Variants in UGT2B17 observed in about 807,000 individuals in gnomAD.
UGT2B17 encodes UDP glucuronosyltransferase family 2 member B17, also known as UDP-glucuronosyltransferase 2B17.
Under a neutral mutation model 48.2 loss-of-function variants are expected in UGT2B17, and 21 were observed. That is an observed-to-expected ratio of 0.44 (90% CI 0.31 to 0.63). UGT2B17 has a LOEUF of 0.63. UGT2B17 is among the 20% of genes least tolerant of loss of function. UGT2B17 has a pLI of 0.08. For synonymous variants in UGT2B17, 146 were observed against 238.4 expected, an observed-to-expected ratio of 0.61 and a Z score of 3.57; for missense variants, 402 against 696.1, an observed-to-expected ratio of 0.58 and a Z score of 4.75.
intron 3 of UGT2B17, among the ~76,000 whole-genome samples, chr4:68,563,992 C>T (rs1731148514): frequency 8.0e-6 from 1 of 124,584 alleles, no homozygotes; most frequent in Non-Finnish European, 1.7e-5. Flanking sequence ...TTTTGGATCA[C>T]TGGCTATGTG....
At chr4:68,559,995 T>C (rs1045390999) in intron 4 of UGT2B17, among the ~76,000 whole-genome samples, 2 of 131,586 alleles carry the variant, frequency 1.5e-5, no homozygotes, top group Admixed American at 1.5e-4. Context: ...TAGGACATTC[T>C]TTCTCTGAAT....
intron 3 of UGT2B17, among the ~76,000 whole-genome samples, chr4:68,561,084 CATTTT>C (rs902626613): frequency 1.6e-5 from 2 of 122,514 alleles, no homozygotes; most frequent in African/African-American, 5.6e-5. Context: ...TATTTGGGGT[CATTTT>C]ATTTTATTTT....
chr4:68,574,125 G>A (rs1201085586), intron 1 of UGT2B17, among the ~76,000 whole-genome samples: 1 of 126,832 alleles, frequency 7.9e-6, no homozygotes, highest in Non-Finnish European at 1.7e-5. Flanking sequence ...ATTTCAACCA[G>A]GCATTTGTAG....
chr4:68,542,982 G>T (rs1235817742), intron 6 of UGT2B17, among the ~76,000 whole-genome samples: 1 of 126,536 alleles, frequency 7.9e-6, no homozygotes, highest in Non-Finnish European at 1.7e-5. Flanking sequence ...GCTCAAGGAC[G>T]CCTGCCTGCC....
rs575476723 is a variant in UGT2B17, at chr4:68,574,810, T to C, written c.-65+1141A>G. 1.2e-4 allele frequency among the ~76,000 whole-genome samples: 15 copies of C among 126,234 alleles called. 3 individuals carry two copies. Among genetic ancestry groups the C allele is most frequent in the African/African-American group, 3.8e-4 (14 of 36,968 alleles). 82.8% of individuals were successfully genotyped at this position (126,234 alleles called of 152,430 possible). On this transcript the variant is annotated intron_variant, in intron 1 of 6. Transcript: ENST00000317746. Reference sequence around the variant, plus strand: ...TTTTTATAACTTTTTTTCACGACTTTCGCCAACAATTTTTCAACATGTCTC... The same window carrying C: ...TTTTTATAACTTTTTTTCACGACTTCCGCCAACAATTTTTCAACATGTCTC...
At chr4:68,555,816 G>C (rs574693995) in intron 4 of UGT2B17, among the ~76,000 whole-genome samples, 1 of 124,362 alleles carries the variant, frequency 8.0e-6, no homozygotes, top group Non-Finnish European at 1.7e-5. Flanking sequence ...TTTTAAAAAG[G>C]TGAAGAAGTG....
At chr4:68,571,055 G>T (rs1223498961) in intron 1 of UGT2B17, among the ~76,000 whole-genome samples, 1 of 125,644 alleles carries the variant, frequency 8.0e-6, no homozygotes, top group Non-Finnish European at 1.7e-5. Context: ...AACGGTCAAG[G>T]CTTGACCGGT....
In UGT2B17 at chr4:68,575,188, CTTTT is replaced by C. The variant is rs559097531; in HGVS notation, c.-65+759_-65+762del. 2.4e-5 allele frequency among the ~76,000 whole-genome samples: 2 copies of C among 81,912 alleles called. 1 individual carries two copies. Among genetic ancestry groups the C allele is most frequent in the African/African-American group, 9.0e-5 (2 of 22,244 alleles). The allele number at this position is 81,912 out of a possible 152,430, so 53.7% of individuals were successfully genotyped here. ...TTTACTTAGAATTGGTATAGATGGC[CTTTT>C]TTTTTTTTTTCTCTGCTGGTCTTTC... On this transcript the variant is annotated intron_variant, in intron 1 of 6. Transcript: ENST00000317746.
intron 6 of UGT2B17, among the ~76,000 whole-genome samples, chr4:68,540,526 G>A (rs1730636493): frequency 7.9e-6 from 1 of 126,652 alleles, no homozygotes; most frequent in Admixed American, 8.1e-5. Context: ...GTTTCACTAT[G>A]TTGGCCAGGA....
rs983368700 is a variant in UGT2B17 at position 68,537,524 on chromosome 4, T to G, written c.*101A>C. 10 of 1,079,498 alleles carry G rather than the reference T, an allele frequency of 9.3e-6. 2 individuals are homozygous for G. In the Admixed American group the frequency reaches 2.8e-4, roughly 30 times the overall value. 66.9% of individuals were successfully genotyped at this position (1,079,498 alleles called of 1,614,324 possible). A position where few individuals can be genotyped will look rare whatever the true frequency, so the allele number is the denominator to read the frequency against. On this transcript the variant is annotated 3_prime_UTR_variant, in exon 7 of 7. Transcript: ENST00000317746. The stretch of plus-strand genomic sequence containing the variant: ...AACAGGGTAAGTTGTGAAAAGACGT[T>G]TTGTCGCAGGAAAAAGGAAATCCTC...
chr4:68,554,683 C>A (rs1730971467), intron 4 of UGT2B17, among the ~76,000 whole-genome samples: 1 of 125,256 alleles, frequency 8.0e-6, no homozygotes, highest in Non-Finnish European at 1.7e-5. Flanking sequence ...TATTTTCCTT[C>A]TAGCACACCA....
At chr4:68,557,297 C>T (rs115606943) in intron 4 of UGT2B17, among the ~76,000 whole-genome samples, 7,242 of 123,726 alleles carry the variant, frequency 0.059, 1,755 homozygotes, top group African/African-American at 0.17. Context: ...CTTTAGAAGG[C>T]GATTTTATAC....
At position 68,553,443 on chromosome 4, in the gene UGT2B17, G is replaced by T. The variant is rs1172379788; in HGVS notation, c.1006-1532C>A. Among the ~76,000 whole-genome samples the T allele has an allele frequency of 1.6e-5, 2 of 126,558 alleles. 1 individual carries two copies. The highest frequency in any genetic ancestry group is 3.4e-5 in the Non-Finnish European group (2 of 59,562). 83.0% of individuals were successfully genotyped at this position (126,558 alleles called of 152,430 possible). A position where few individuals can be genotyped will look rare whatever the true frequency, so the allele number is the denominator to read the frequency against. ...TTCTAATGATTTGAACTCTTTTAAA[G>T]AATTCAGAACAAAGGCACCACTCAC... On this transcript the variant is annotated intron_variant, in intron 4 of 6. Transcript: ENST00000317746.
Position 68,554,416 on chromosome 4 carries a change from G to A in UGT2B17, c.1006-2505C>T, listed in dbSNP as rs1269375640. Among the ~76,000 whole-genome samples the A allele has an allele frequency of 2.4e-5, 3 of 125,548 alleles. 1 individual carries two copies. Among genetic ancestry groups the A allele is most frequent in the Non-Finnish European group, 3.4e-5 (2 of 59,304 alleles). The allele number at this position is 125,548 out of a possible 152,430, so 82.4% of individuals were successfully genotyped here. A position where few individuals can be genotyped will look rare whatever the true frequency, so the allele number is the denominator to read the frequency against. On this transcript the variant is annotated intron_variant, in intron 4 of 6. Transcript: ENST00000317746. Reference sequence around the variant, plus strand: ...CTAAGGTTGTCCTACAAACTGTAGAGTTCCTAAGTTCTCTCTTTTTTAAAA... The same window carrying A: ...CTAAGGTTGTCCTACAAACTGTAGAATTCCTAAGTTCTCTCTTTTTTAAAA...
rs1225499391 is a variant in UGT2B17 at position 68,538,240 on chromosome 4, GT to G, written c.1314-337del. Among the ~76,000 whole-genome samples the G allele has an allele frequency of 2.4e-4, 4 of 16,706 alleles. 1 individual carries two copies. Among genetic ancestry groups the G allele is most frequent in the Non-Finnish European group, 1.0e-3 (1 of 996 alleles). The allele number at this position is 16,706 out of a possible 152,430, so 11.0% of individuals were successfully genotyped here. A position where few individuals can be genotyped will look rare whatever the true frequency, so the allele number is the denominator to read the frequency against. On this transcript the variant is annotated intron_variant, in intron 6 of 6. Transcript: ENST00000317746. ...GGGAATGATCATTTTGATATTTTTA[GT>G]TTTTTTTTTTTTTGAGACAGGCTTT...
rs1194134968 is a variant in UGT2B17, at chr4:68,554,172, C to T, written c.1006-2261G>A. 3.8e-4 allele frequency among the ~76,000 whole-genome samples: 48 copies of T among 124,690 alleles called. 8 individuals carry two copies. The highest frequency in any genetic ancestry group is 8.5e-5 in the Non-Finnish European group (5 of 59,030). The allele number at this position is 124,690 out of a possible 152,430, so 81.8% of individuals were successfully genotyped here. ...TGGTGACACACTGTGGAGTACTGCCCACAAGCAGCACACATTGATTCACCA... is the reference window on the plus strand; with the variant it reads ...TGGTGACACACTGTGGAGTACTGCCTACAAGCAGCACACATTGATTCACCA... On this transcript the variant is annotated intron_variant, in intron 4 of 6. Coordinates refer to ENST00000317746, the MANE Select transcript of UGT2B17 (RefSeq NM_001077.4).
intron 4 of UGT2B17, among the ~76,000 whole-genome samples, chr4:68,554,458 G>C (rs1180361589): frequency 8.0e-6 from 1 of 124,532 alleles, no homozygotes; most frequent in Admixed American, 8.3e-5. Context: ...TTTTATTCTT[G>C]CTTTAAATTT....
At chr4:68,537,955 A>G in intron 6 of UGT2B17, 51 bp from the exon 7 acceptor site, 1 of 1,221,176 alleles carries the variant, frequency 8.2e-7, no homozygotes, top group Non-Finnish European at 1.1e-6. Flanking sequence ...TTATTGCTTA[A>G]GCATATCAAG....
chr4:68,567,663 TA>T lies in UGT2B17; in HGVS notation c.724+97del, dbSNP rs1392454469. Reference sequence around the variant, plus strand: ...TACATTTGCAATTCATAATTTCCCATAAAAACACTATCTTCTGACATTATAT... The same window carrying T: ...TACATTTGCAATTCATAATTTCCCATAAAACACTATCTTCTGACATTATAT... On this transcript the variant is annotated intron_variant, in intron 2 of 6. Coordinates refer to ENST00000317746, the MANE Select transcript of UGT2B17 (RefSeq NM_001077.4). 6 of 914,092 alleles carry T rather than the reference TA, an allele frequency of 6.6e-6. 1 individual carries two copies. The African/African-American group carries it at 1.1e-4, about 16-fold the overall frequency. 56.6% of individuals were successfully genotyped at this position (914,092 alleles called of 1,614,324 possible). A position where few individuals can be genotyped will look rare whatever the true frequency, so the allele number is the denominator to read the frequency against.
Sources: gnomAD v4.1 joint callset for allele counts (sites outside exome capture counted in the v4.1 genomes callset) on GRCh38, gnomAD v4.1.1 for gene constraint, MANE v1.5 for transcripts, NCBI Gene and HGNC (gene_info 2026-07-23, HGNC 2026-07-21) for gene names.